Variants in PCDHGA9 observed in about 807,000 individuals in gnomAD.
The protein encoded by PCDHGA9 is protocadherin gamma subfamily A, 9.
Under a neutral mutation model 62.5 loss-of-function variants are expected in PCDHGA9, and 37 were observed. The ratio of observed to expected loss-of-function variants is 0.59; its 90% confidence interval spans 0.46 to 0.78. The LOEUF is 0.78. Ranked by LOEUF, PCDHGA9 falls within the 30% of genes least tolerant of loss-of-function variation. The pLI is 0.00. For synonymous variants in PCDHGA9, 459 were observed against 484.6 expected, an observed-to-expected ratio of 0.95 and a Z score of 0.69; for missense variants, 1,138 against 1,166.2, an observed-to-expected ratio of 0.98 and a Z score of 0.35.
Position 141,485,931 on chromosome 5 carries a change from A to C in PCDHGA9, c.2425-8876A>C, listed in dbSNP as rs761979804. 3 of 1,614,192 alleles carry C rather than the reference A, an allele frequency of 1.9e-6. No individual in the cohort carries two copies. In the South Asian group the frequency reaches 3.3e-5, roughly 18 times the overall value. On this transcript the variant is annotated intron_variant, in intron 1 of 3. Transcript: ENST00000573521. This position sits in a 1 kb window ranked among gnomAD's most constrained non-coding sequence, Gnocchi z 5.7. Reference sequence around the variant, plus strand: ...TCCAGCTACAGGATTAGTGTGTTGGAGAGCGCACCAGCGGGCATGGTGCTC... The same window carrying C: ...TCCAGCTACAGGATTAGTGTGTTGGCGAGCGCACCAGCGGGCATGGTGCTC...
intron 1 of PCDHGA9, chr5:141,424,160 C>A (rs187420643): frequency 6.3e-4 from 172 of 273,324 alleles, no homozygotes; most frequent in South Asian, 2.2e-3. Flanking sequence ...CTCTCCTTCT[C>A]ATCTATCTAT....
chr5:141,454,575 T>G (rs1430018751), intron 1 of PCDHGA9, among the ~76,000 whole-genome samples: 1 of 151,400 alleles, frequency 6.6e-6, no homozygotes, highest in African/African-American at 2.4e-5. Context: ...CCCGGCTAAT[T>G]TTGTATTTTT....
rs773893751 is a variant in PCDHGA9 at position 141,431,903 on chromosome 5, G to A, written c.2424+26527G>A. 2 of 1,613,916 alleles carry A rather than the reference G, an allele frequency of 1.2e-6. No individual in the cohort carries two copies. Among genetic ancestry groups the A allele is most frequent in the South Asian group, 2.2e-5 (2 of 91,080 alleles). ...CCAAGATTCTGAGGAAAACGGACAG[G>A]TGATCTGTTTCATCCAAGGAAATCT... On this transcript the variant is annotated intron_variant, in intron 1 of 3. Transcript: ENST00000573521. The surrounding 1 kb of genome is among the most constrained non-coding windows in gnomAD (Gnocchi z 4.8).
chr5:141,455,859 TATTA>T (rs2098833777), intron 1 of PCDHGA9, among the ~76,000 whole-genome samples: 1 of 143,846 alleles, frequency 7.0e-6, no homozygotes, highest in African/African-American at 2.5e-5. Flanking sequence ...TAATTTCTTT[TATTA>T]TTTATTTATT....
chr5:141,493,336 A>G lies in PCDHGA9; in HGVS notation c.2425-1471A>G, dbSNP rs1049621539. Among the ~76,000 whole-genome samples, 4 of 152,202 alleles carry G rather than the reference A, an allele frequency of 2.6e-5. No homozygotes were observed. Among genetic ancestry groups the G allele is most frequent in the African/African-American group, 9.7e-5 (4 of 41,450 alleles). On this transcript the variant is annotated intron_variant, in intron 1 of 3. Transcript: ENST00000573521. The surrounding 1 kb of genome is among the most constrained non-coding windows in gnomAD (Gnocchi z 4.3). ...GAGATTCTAACCCCTGTCTAACTCC[A>G]GAATGTGTGCTTTTAATTTCTTGGC...
rs2094404225 is a variant in PCDHGA9, at chr5:141,403,407, A to T, written c.455A>T (p.Tyr152Phe). 1 of 1,613,940 alleles carries T rather than the reference A, an allele frequency of 6.2e-7. No homozygotes were observed. Reference protein sequence around the residue: ...INEIAVPGARYPLPEAIDPDV... With the variant: ...INEIAVPGARFPLPEAIDPDV... The stretch of plus-strand genomic sequence containing the variant: ...GAAATCGCGGTTCCTGGAGCACGTT[A>T]TCCACTTCCAGAAGCTATTGATCCG... Residue 152 changes from tyrosine to phenylalanine, a missense_variant, in exon 1 of 4, where the codon TAT (tyrosine) becomes TTT (phenylalanine). Physicochemically the swap from Tyr to Phe is conservative, Grantham distance 22. Transcript: ENST00000573521.
At chr5:141,504,696 G>T (rs2099840373) in intron 2 of PCDHGA9, among the ~76,000 whole-genome samples, 1 of 151,438 alleles carries the variant, frequency 6.6e-6, no homozygotes, top group African/African-American at 2.4e-5. Flanking sequence ...GGAGGGGCAG[G>T]TTCTTCTATG....
At position 141,486,455 on chromosome 5, in the gene PCDHGA9, T is replaced by G; in HGVS notation, c.2425-8352T>G. On this transcript the variant is annotated intron_variant, in intron 1 of 3. Transcript: ENST00000573521. This position sits in a 1 kb window ranked among gnomAD's most constrained non-coding sequence, Gnocchi z 5.0. Reference sequence around the variant, plus strand: ...TAGCTATGACATCATGGTCACTGCTTCTGATGCTGGGAACCCTCCTCTCAG... The same window carrying G: ...TAGCTATGACATCATGGTCACTGCTGCTGATGCTGGGAACCCTCCTCTCAG... 6.2e-7 allele frequency: 1 copy of G among 1,614,066 alleles called. No homozygotes were observed. Among genetic ancestry groups the G allele is most frequent in the Non-Finnish European group, 8.5e-7 (1 of 1,179,892 alleles).
In PCDHGA9 at chr5:141,423,089, G is replaced by C. The variant is rs201821221; in HGVS notation, c.2424+17713G>C. The stretch of plus-strand genomic sequence containing the variant: ...AGCGAGCCGGGACTCTTCGCGGTGG[G>C]GGAGCACACGGGCGAGGTGCGTACA... On this transcript the variant is annotated intron_variant, in intron 1 of 3. Transcript: ENST00000573521. 4.0e-5 allele frequency: 65 copies of C among 1,614,016 alleles called. No individual in the cohort carries two copies. In the African/African-American group the frequency reaches 7.2e-4, roughly 18 times the overall value.
chr5:141,444,965 A>C (rs561160996), intron 1 of PCDHGA9, among the ~76,000 whole-genome samples: 18 of 152,234 alleles, frequency 1.2e-4, no homozygotes, highest in South Asian at 6.2e-4. Context: ...CAATATTGAC[A>C]CTTCAAATCC....
Position 141,447,603 on chromosome 5 carries a change from T to G in PCDHGA9, c.2424+42227T>G, listed in dbSNP as rs146950525. On this transcript the variant is annotated intron_variant, in intron 1 of 3. Transcript: ENST00000573521. ...ATACCTTAAACATCCTATAGAGTCC[T>G]TAGCATTTTAAAGTTGAAACCAACA... Among the ~76,000 whole-genome samples, 378 of 152,270 alleles carry G rather than the reference T, an allele frequency of 2.5e-3. 1 individual carries two copies. Among genetic ancestry groups the G allele is most frequent in the Non-Finnish European group, 4.5e-3 (309 of 68,030 alleles).
Position 141,432,224 on chromosome 5 carries a change from T to C in PCDHGA9, c.2424+26848T>C. On this transcript the variant is annotated intron_variant, in intron 1 of 3. Transcript: ENST00000573521. The surrounding 1 kb of genome is among the most constrained non-coding windows in gnomAD (Gnocchi z 6.0). The stretch of plus-strand genomic sequence containing the variant: ...CTGTGAAGAGAACGCCCAGATCACT[T>C]ATTCCCTGGCTGAGAACACCATCCA... 6.2e-7 allele frequency: 1 copy of C among 1,614,138 alleles called. No homozygotes were observed. Among genetic ancestry groups the C allele is most frequent in the Non-Finnish European group, 8.5e-7 (1 of 1,180,024 alleles).
chr5:141,429,048 G>A (rs2097180589), intron 1 of PCDHGA9: 5 of 152,064 alleles, frequency 3.3e-5, no homozygotes, highest in Admixed American at 3.3e-4. Context: ...TACAGACGGG[G>A]TTTCACCGTG....
chr5:141,487,348 C>T lies in PCDHGA9; in HGVS notation c.2425-7459C>T, dbSNP rs929693998. ...GTGGGGCAGCCTGTGGAGTCACATG[C>T]TTTCCTGCTGGCACCTGTGCCTGTC... On this transcript the variant is annotated intron_variant, in intron 1 of 3. Coordinates refer to ENST00000573521, the MANE Select transcript of PCDHGA9 (RefSeq NM_018921.3). The surrounding 1 kb of genome is among the most constrained non-coding windows in gnomAD (Gnocchi z 5.0). The T allele has an allele frequency of 2.5e-6, 4 of 1,614,080 alleles. No homozygotes were observed. The highest frequency in any genetic ancestry group is 2.2e-5 in the East Asian group (1 of 44,882).
At chr5:141,414,681 G>T (rs780836649) in intron 1 of PCDHGA9, 2 of 1,613,836 alleles carry the variant, frequency 1.2e-6, no homozygotes, top group Non-Finnish European at 8.5e-7. Flanking sequence ...CCATCCAGGG[G>T]GTACCTCTGT....
intron 1 of PCDHGA9, among the ~76,000 whole-genome samples, chr5:141,492,421 C>G (rs986772215): frequency 5.9e-5 from 9 of 152,250 alleles, no homozygotes; most frequent in African/African-American, 1.9e-4. Context: ...CTCCCTCCGC[C>G]GGGCTCAGGA....
At chr5:141,495,356 C>A (rs889897990) in intron 2 of PCDHGA9, among the ~76,000 whole-genome samples, 3 of 152,222 alleles carry the variant, frequency 2.0e-5, no homozygotes, top group Non-Finnish European at 4.4e-5. Flanking sequence ...GGCAGCACAG[C>A]TGGAGGTGGA....
chr5:141,420,956 T>C lies in PCDHGA9; in HGVS notation c.2424+15580T>C, dbSNP rs17097281. 2.2e-3 allele frequency: 904 copies of C among 416,864 alleles called. 5 individuals carry two copies. The highest frequency in any genetic ancestry group is 0.016 in the African/African-American group (760 of 48,560). 25.8% of individuals were successfully genotyped at this position (416,864 alleles called of 1,614,324 possible). A position where few individuals can be genotyped will look rare whatever the true frequency, so the allele number is the denominator to read the frequency against. Reference sequence around the variant, plus strand: ...AATCATTTCTTCTGGAATTTCTTAGTCGTTGCAATAATAAGAATGGGCTCT... The same window carrying C: ...AATCATTTCTTCTGGAATTTCTTAGCCGTTGCAATAATAAGAATGGGCTCT... On this transcript the variant is annotated intron_variant, in intron 1 of 3. Coordinates refer to ENST00000573521, the MANE Select transcript of PCDHGA9 (RefSeq NM_018921.3).
At chr5:141,465,186 G>T (rs2099098546) in intron 1 of PCDHGA9, among the ~76,000 whole-genome samples, 1 of 151,852 alleles carries the variant, frequency 6.6e-6, no homozygotes, top group African/African-American at 2.4e-5. Flanking sequence ...TTAATTAAAA[G>T]ATAAAAATAA....
Sources: gnomAD v4.1 joint callset for allele counts (sites outside exome capture counted in the v4.1 genomes callset) on GRCh38, gnomAD v4.1.1 for gene constraint, Gnocchi (gnomAD v3.1) non-coding constraint, MANE v1.5 for transcripts, NCBI Gene and HGNC (gene_info 2026-07-23, HGNC 2026-07-21) for gene names.